Variants in RALGAPA2 observed in about 807,000 individuals in gnomAD.
RALGAPA2 encodes ral GTPase-activating protein subunit alpha-2.
In RALGAPA2, 139 loss-of-function variants were observed where a neutral mutation model predicts 230.4. That is an observed-to-expected ratio of 0.60 (90% CI 0.53 to 0.69). The LOEUF (loss-of-function observed/expected upper bound fraction) is 0.69, where lower values mean the gene tolerates loss of function less well. RALGAPA2 is among the 30% of genes least tolerant of loss of function. The probability of loss-of-function intolerance (pLI) is 0.00; values close to 1 mark genes in which losing one functional copy is unlikely to be tolerated. For synonymous variants in RALGAPA2, 847 were observed against 837.8 expected, an observed-to-expected ratio of 1.01 and a Z score of -0.19; for missense variants, 2,163 against 2,276.0, an observed-to-expected ratio of 0.95 and a Z score of 1.01.
chr20:20,493,801 C>T (rs1336640731), intron 36 of RALGAPA2, among the ~76,000 whole-genome samples: 8 of 152,174 alleles, frequency 5.3e-5, no homozygotes, highest in Admixed American at 5.2e-4. Flanking sequence ...GAGCCATTTT[C>T]ATACACAAAA....
intron 2 of RALGAPA2, among the ~76,000 whole-genome samples, chr20:20,679,478 T>C (rs1315309256): frequency 6.6e-6 from 1 of 152,202 alleles, no homozygotes; most frequent in African/African-American, 2.4e-5. Flanking sequence ...TACAAGATAC[T>C]TGTGATAGTA....
chr20:20,399,672 C>CAAG (rs1284383738), intron 38 of RALGAPA2, among the ~76,000 whole-genome samples: 1 of 152,226 alleles, frequency 6.6e-6, no homozygotes, highest in African/African-American at 2.4e-5. Context: ...GCACAGGAAA[C>CAAG]AAGAGGCTGG....
Position 20,391,759 on chromosome 20 carries a change from T to C in RALGAPA2, c.*1530A>G, listed in dbSNP as rs973973329. ...GGCCAAGCAGCCTGAAGGTAACAAG[T>C]GTGTGCAAGGGCAGAGGGCAGAGGG... On this transcript the variant is annotated 3_prime_UTR_variant, in exon 40 of 40. Coordinates refer to ENST00000202677, the MANE Select transcript of RALGAPA2 (RefSeq NM_020343.4). 1.3e-5 allele frequency: 2 copies of C among 152,510 alleles called. No homozygotes were observed. The highest frequency in any genetic ancestry group is 2.9e-5 in the Non-Finnish European group (2 of 68,282). The allele number at this position is 152,510 out of a possible 1,614,324, so 9.4% of individuals were successfully genotyped here.
chr20:20,545,478 A>C (rs1261148882), intron 24 of RALGAPA2, among the ~76,000 whole-genome samples: 1 of 152,194 alleles, frequency 6.6e-6, no homozygotes, highest in African/African-American at 2.4e-5. Context: ...CCAACATGAA[A>C]TACCAGCTAC....
At chr20:20,458,417 T>G (rs1348073359) in intron 37 of RALGAPA2, among the ~76,000 whole-genome samples, 1 of 143,628 alleles carries the variant, frequency 7.0e-6, no homozygotes, top group African/African-American at 2.6e-5. Context: ...ATATGTTATA[T>G]ATAATATATA....
chr20:20,512,730 G>A lies in RALGAPA2; in HGVS notation c.4639C>T (p.Leu1547=), dbSNP rs776774378. ...PSQLNLNEPS[L]TPCGMNYDQE... The stretch of plus-strand genomic sequence containing the variant: ...TCATAGTTCATGCCACATGGGGTTA[G>A]GGAAGGTTCATTTAGATTTAGCTGT... The change falls in exon 32 of 40, where the codon CTA becomes TTA. Residue 1547 remains leucine (L), a synonymous_variant. Coordinates refer to ENST00000202677, the MANE Select transcript of RALGAPA2 (RefSeq NM_020343.4). 1 of 1,613,878 alleles carries A rather than the reference G, an allele frequency of 6.2e-7. No homozygotes were observed. Among genetic ancestry groups the A allele is most frequent in the African/African-American group, 1.3e-5 (1 of 75,048 alleles).
intron 37 of RALGAPA2, among the ~76,000 whole-genome samples, chr20:20,469,955 G>A (rs1482193269): frequency 4.6e-5 from 7 of 152,204 alleles, no homozygotes; most frequent in Non-Finnish European, 8.8e-5. Context: ...GATTTAGCCT[G>A]CAGAGGACAT....
At chr20:20,534,728 T>C (rs2063456099) in intron 26 of RALGAPA2, among the ~76,000 whole-genome samples, 1 of 152,152 alleles carries the variant, frequency 6.6e-6, no homozygotes, top group African/African-American at 2.4e-5. Flanking sequence ...TCTTTCTGAT[T>C]AAAGAAAATG....
rs1463159016 is a variant in RALGAPA2 at position 20,619,202 on chromosome 20, C to A, written c.1539+75G>T. On this transcript the variant is annotated intron_variant, in intron 12 of 39. Coordinates refer to ENST00000202677, the MANE Select transcript of RALGAPA2 (RefSeq NM_020343.4). ...CCACCATACTTTATATGACATTATC[C>A]CCAATAAACAAAAAGACAAAATGGC... 30 of 1,367,812 alleles carry A rather than the reference C, an allele frequency of 2.2e-5. No homozygotes were observed. In the Admixed American group the frequency reaches 6.6e-4, roughly 30 times the overall value. 84.7% of individuals were successfully genotyped at this position (1,367,812 alleles called of 1,614,324 possible). A position where few individuals can be genotyped will look rare whatever the true frequency, so the allele number is the denominator to read the frequency against.
intron 1 of RALGAPA2, among the ~76,000 whole-genome samples, chr20:20,683,306 C>A (rs1016580531): frequency 6.6e-6 from 1 of 152,156 alleles, no homozygotes; most frequent in African/African-American, 2.4e-5. Flanking sequence ...TTCCCCATAG[C>A]GGCCAACTCG....
chr20:20,671,706 C>T (rs1194218359), intron 3 of RALGAPA2, among the ~76,000 whole-genome samples: 1 of 152,172 alleles, frequency 6.6e-6, no homozygotes, highest in East Asian at 1.9e-4. Flanking sequence ...AACTAATCCT[C>T]TGTAAATGGT....
At chr20:20,518,677 A>G (rs1429091767) in intron 31 of RALGAPA2, among the ~76,000 whole-genome samples, 2 of 152,174 alleles carry the variant, frequency 1.3e-5, no homozygotes, top group African/African-American at 4.8e-5. Flanking sequence ...TGAAAGAAAA[A>G]TGGTGCCAGA....
intron 37 of RALGAPA2, among the ~76,000 whole-genome samples, chr20:20,441,573 G>A (rs563116649): frequency 4.6e-5 from 7 of 152,174 alleles, no homozygotes; most frequent in South Asian, 2.1e-4. Context: ...CAAGACCAGC[G>A]GGGGTTGCTG....
chr20:20,532,592 G>C lies in RALGAPA2; in HGVS notation c.3474-797C>G, dbSNP rs545953242. Among the ~76,000 whole-genome samples the C allele has an allele frequency of 4.6e-5, 7 of 152,292 alleles. No homozygotes were observed. The East Asian group carries it at 1.3e-3, about 29-fold the overall frequency. On this transcript the variant is annotated intron_variant, in intron 26 of 39. Transcript: ENST00000202677. The stretch of plus-strand genomic sequence containing the variant: ...AAGGAGACTCAAGGGCTCAGTTATG[G>C]TTGTGTTAAAACATTCAAGTTGAGA...
intron 24 of RALGAPA2, among the ~76,000 whole-genome samples, chr20:20,543,729 G>A (rs1017886164): frequency 3.3e-5 from 5 of 152,094 alleles, no homozygotes; most frequent in Non-Finnish European, 4.4e-5. Context: ...ACGGCCTGTC[G>A]TGGGGCGGGG....
chr20:20,498,727 T>C (rs766978524), intron 35 of RALGAPA2, among the ~76,000 whole-genome samples: 21 of 152,356 alleles, frequency 1.4e-4, no homozygotes, highest in Admixed American at 2.6e-4. Context: ...TGGAGACTGA[T>C]AATGTGGGCC....
chr20:20,581,535 T>C (rs1382408364), intron 20 of RALGAPA2, among the ~76,000 whole-genome samples: 1 of 152,198 alleles, frequency 6.6e-6, no homozygotes, highest in Non-Finnish European at 1.5e-5. Flanking sequence ...TCCAGCTTGA[T>C]AACAATTTCT....
chr20:20,622,710 G>A (rs575175900), intron 10 of RALGAPA2, among the ~76,000 whole-genome samples: 7 of 152,168 alleles, frequency 4.6e-5, no homozygotes, highest in African/African-American at 1.7e-4. Flanking sequence ...TTAGATAGAA[G>A]GGAAATTTTC....
At chr20:20,486,373 G>T (rs2061911168) in intron 36 of RALGAPA2, among the ~76,000 whole-genome samples, 1 of 151,846 alleles carries the variant, frequency 6.6e-6, no homozygotes, top group South Asian at 2.1e-4. Context: ...TTCTAGGTTG[G>T]TAGTTTTTTG....
Sources: allele counts gnomAD v4.1 joint callset (sites outside exome capture counted in the v4.1 genomes callset), GRCh38; gene constraint gnomAD v4.1.1; transcripts MANE v1.5; gene names NCBI Gene and HGNC (gene_info 2026-07-23, HGNC 2026-07-21).